Variants in MIA3 observed in about 807,000 individuals in gnomAD.
MIA3 encodes transport and Golgi organization protein 1 homolog.
MIA3 carries 90 observed loss-of-function variants against 192.4 expected under a neutral mutation model. That is an observed-to-expected ratio of 0.47 (90% CI 0.39 to 0.56). The LOEUF is 0.56. MIA3 is among the 20% of genes least tolerant of loss of function. The pLI, the probability that MIA3 is intolerant of heterozygous loss-of-function variation, is 0.00. For synonymous variants in MIA3, 740 were observed against 792.8 expected, an observed-to-expected ratio of 0.93 and a Z score of 1.12; for missense variants, 2,123 against 2,269.4, an observed-to-expected ratio of 0.94 and a Z score of 1.31.
At chr1:222,630,505 C>A in intron 4 of MIA3, 116 bp downstream of exon 4, 1 of 1,041,042 alleles carries the variant, frequency 9.6e-7, no homozygotes, top group Non-Finnish European at 1.4e-6. Flanking sequence ...AGGAGAGGGA[C>A]AACACAGGGA....
At chr1:222,647,561 T>C (rs1224313939) in intron 7 of MIA3, among the ~76,000 whole-genome samples, 1 of 152,202 alleles carries the variant, frequency 6.6e-6, no homozygotes, top group Admixed American at 6.5e-5. Context: ...GGTGCTTTTC[T>C]TCAGATAAAA....
Position 222,630,260 on chromosome 1 carries a change from G to C in MIA3, c.3040G>C (p.Glu1014Gln). ...LGMNENNIFE[E>Q]AAVLDDIQDL... ...AATGAACGAAAATAACATATTTGAA[G>C]AGGCTGCAGTGCTTGATGACATTCA... is the stretch of plus-strand genomic sequence containing the variant. The change falls in exon 4 of 28, where the codon GAG becomes CAG. Residue 1014 changes from glutamate (E) to glutamine (Q), a missense_variant. Coordinates refer to ENST00000344922, the MANE Select transcript of MIA3 (RefSeq NM_198551.4). 1 of 1,614,222 alleles carries C rather than the reference G, an allele frequency of 6.2e-7. No individual in the cohort carries two copies.
Position 222,628,333 on chromosome 1 carries a change from C to T in MIA3, c.1113C>T (p.Gly371=), listed in dbSNP as rs1445355310. 1.2e-6 allele frequency: 2 copies of T among 1,613,444 alleles called. No individual in the cohort carries two copies. Among genetic ancestry groups the T allele is most frequent in the East Asian group, 2.2e-5 (1 of 44,886 alleles). Residue 371 remains glycine (G), a synonymous_variant, in exon 4 of 28, where the codon GGC becomes GGT. Coordinates refer to ENST00000344922, the MANE Select transcript of MIA3 (RefSeq NM_198551.4). ...AGGTTCAGCTAACTGTGCCCCCTGG[C>T]ATCAAAAATGATGATAAAAATATAC... is the stretch of plus-strand genomic sequence containing the variant. ...EDKVQLTVPP[G]IKNDDKNILT...
chr1:222,666,058 A>AC lies in MIA3; in HGVS notation c.*439_*440insC, dbSNP rs1448505931. On this transcript the variant is annotated 3_prime_UTR_variant, in exon 28 of 28. Coordinates refer to ENST00000344922, the MANE Select transcript of MIA3 (RefSeq NM_198551.4). The stretch of plus-strand genomic sequence containing the variant: ...TCTGGTCACAAAGACTGTTACGCTA[A>AC]AAATGTTTACTAAAAGATCACTAAA... 1 of 152,982 alleles carries AC rather than the reference A, an allele frequency of 6.5e-6. No homozygotes were observed. The highest frequency in any genetic ancestry group is 1.5e-5 in the Non-Finnish European group (1 of 68,622). The allele number at this position is 152,982 out of a possible 1,614,324, so 9.5% of individuals were successfully genotyped here.
rs1662310084 is a variant in MIA3 at position 222,629,830 on chromosome 1, G to A, written c.2610G>A (p.Glu870=). Residue 870 remains glutamate (E), a synonymous_variant, in exon 4 of 28, where the codon GAG becomes GAA. Transcript: ENST00000344922. The part of the protein sequence containing the change: ...EHLKTSGLAG[E]PEGELSKEDH... ...TGAAGACCTCAGGGCTTGCAGGGGA[G>A]CCTGAGGGAGAACTCTCAAAAGAGG... 5.6e-6 allele frequency: 9 copies of A among 1,613,840 alleles called. No homozygotes were observed. Among genetic ancestry groups the A allele is most frequent in the East Asian group, 4.5e-5 (2 of 44,878 alleles).
At chr1:222,639,803 TCCC>T (rs1172086145) in intron 6 of MIA3, among the ~76,000 whole-genome samples, 1 of 152,082 alleles carries the variant, frequency 6.6e-6, no homozygotes, top group Non-Finnish European at 1.5e-5. Context: ...TGAATGTTTT[TCCC>T]CCAAGATCCA....
Position 222,644,680 on chromosome 1 carries a change from G to A in MIA3, c.3478-874G>A, listed in dbSNP as rs144659528. On this transcript the variant is annotated intron_variant, in intron 6 of 27. Transcript: ENST00000344922. ...GGGTGCACTGATTGTCTGTGCAAAG[G>A]AGAAATGGAGTGTGTCAGATCCGAG... The A allele has an allele frequency of 1.1e-3, 1,404 of 1,327,758 alleles. 23 individuals carry two copies. The highest frequency in any genetic ancestry group is 2.2e-4 in the Non-Finnish European group (210 of 949,806). 82.2% of individuals were successfully genotyped at this position (1,327,758 alleles called of 1,614,324 possible).
Position 222,648,848 on chromosome 1 carries a change from A to C in MIA3, c.3629A>C (p.Gln1210Pro). 6.9e-7 allele frequency: 1 copy of C among 1,448,640 alleles called. No individual in the cohort carries two copies. Among genetic ancestry groups the C allele is most frequent in the Non-Finnish European group, 9.6e-7 (1 of 1,038,482 alleles). 89.7% of individuals were successfully genotyped at this position (1,448,640 alleles called of 1,614,324 possible). A position where few individuals can be genotyped will look rare whatever the true frequency, so the allele number is the denominator to read the frequency against. The change falls in exon 8 of 28, where the codon CAA becomes CCA. Residue 1210 changes from glutamine to proline, a missense_variant and splice_region_variant. Coordinates refer to ENST00000344922, the MANE Select transcript of MIA3 (RefSeq NM_198551.4). The part of the protein sequence containing the change: ...TVLVVKDRVY[Q>P]VTEQQISEKL... ...TTCTAGGTGAAGGATAGAGTATATC[A>C]AGGTAAATCTTTAGGCTTTTTTGTT...
Position 222,660,299 on chromosome 1 carries a change from C to G in MIA3, c.5098C>G (p.Pro1700Ala), listed in dbSNP as rs1348404832. The change falls in exon 24 of 28, where the codon CCT (proline) becomes GCT (alanine). Residue 1700 changes from proline (P) to alanine (A), a missense_variant. Coordinates refer to ENST00000344922, the MANE Select transcript of MIA3 (RefSeq NM_198551.4). ...LSATLNRRDM[P>A]RSEFGSVDGP... The stretch of plus-strand genomic sequence containing the variant: ...TGCTACTCTCAATCGAAGAGATATG[C>G]CTAGAAGTGAATTTGGTGAGCATTC... The G allele has an allele frequency of 1.2e-6, 2 of 1,610,684 alleles. No individual in the cohort carries two copies. The highest frequency in any genetic ancestry group is 8.5e-7 in the Non-Finnish European group (1 of 1,179,054).
In MIA3 at chr1:222,660,152, G is replaced by T. The variant is rs200185748; in HGVS notation, c.4976-25G>T. ...AAAGAAAAAAAGGCTGTCTTAAAAT[G>T]CTAACAAGATGCTGTCATCTTTAGG... is the stretch of plus-strand genomic sequence containing the variant. On this transcript the variant is annotated intron_variant, in intron 23 of 27. Coordinates refer to ENST00000344922, the MANE Select transcript of MIA3 (RefSeq NM_198551.4). The T allele has an allele frequency of 5.6e-4, 895 of 1,606,276 alleles. 1 individual carries two copies. The highest frequency in any genetic ancestry group is 7.4e-4 in the Admixed American group (43 of 57,910).
At chr1:222,656,145 G>A (rs1193575394) in intron 18 of MIA3, among the ~76,000 whole-genome samples, 1 of 151,156 alleles carries the variant, frequency 6.6e-6, no homozygotes, top group Non-Finnish European at 1.5e-5. Flanking sequence ...AATTTTTTTT[G>A]TATTTTTAGT....
chr1:222,653,634 T>C (rs1663558190), intron 15 of MIA3, among the ~76,000 whole-genome samples: 1 of 152,218 alleles, frequency 6.6e-6, no homozygotes, highest in Non-Finnish European at 1.5e-5. Context: ...AGAAACTTGT[T>C]TTTCAATTTC....
intron 26 of MIA3, among the ~76,000 whole-genome samples, chr1:222,663,514 C>T (rs1296497641): frequency 6.6e-6 from 1 of 152,168 alleles, no homozygotes; most frequent in Admixed American, 6.5e-5. Flanking sequence ...GGTCCTATTA[C>T]AGATTTAGAG....
chr1:222,630,307 G>A lies in MIA3; in HGVS notation c.3087G>A (p.Arg1029=), dbSNP rs767957556. Residue 1029 remains arginine, a synonymous_variant, in exon 4 of 28, where the codon AGG becomes AGA. Coordinates refer to ENST00000344922, the MANE Select transcript of MIA3 (RefSeq NM_198551.4). ...DDIQDLIYFV[R]YKHSTAEETA... ...TTCAAGACCTCATCTATTTTGTCAG[G>A]TACAAGCACTCCACAGCAGAGGAGA... 11 of 1,614,098 alleles carry A rather than the reference G, an allele frequency of 6.8e-6. No individual in the cohort carries two copies. The South Asian group carries it at 1.1e-4, about 16-fold the overall frequency.
chr1:222,654,033 A>G (rs1663576408), intron 15 of MIA3, among the ~76,000 whole-genome samples: 7 of 152,228 alleles, frequency 4.6e-5, no homozygotes. Flanking sequence ...CAATAATGGC[A>G]TGTATAACAT....
Position 222,621,815 on chromosome 1 carries a change from T to TTG in MIA3, c.267+524_267+525insGT, listed in dbSNP as rs1189537145. On this transcript the variant is annotated intron_variant, in intron 2 of 27. Coordinates refer to ENST00000344922, the MANE Select transcript of MIA3 (RefSeq NM_198551.4). Reference sequence around the variant, plus strand: ...CTCGTGTGCTTTCTTGTTTGTTTGTTTTTTTTTTTTTGAGGCGGAGTCTTG... The same window carrying TTG: ...CTCGTGTGCTTTCTTGTTTGTTTGTTTGTTTTTTTTTTTGAGGCGGAGTCTTG... 8.9e-4 allele frequency among the ~76,000 whole-genome samples: 134 copies of TTG among 150,236 alleles called. 1 individual carries two copies. Among genetic ancestry groups the TTG allele is most frequent in the African/African-American group, 2.9e-3 (119 of 41,082 alleles).
chr1:222,628,137 A>C lies in MIA3; in HGVS notation c.917A>C (p.Glu306Ala). 6.2e-7 allele frequency: 1 copy of C among 1,613,956 alleles called. No individual in the cohort carries two copies. The highest frequency in any genetic ancestry group is 8.5e-7 in the Non-Finnish European group (1 of 1,180,004). Residue 306 changes from glutamate (E) to alanine (A), a missense_variant, in exon 4 of 28, where the codon GAA becomes GCA. Physicochemically the swap from Glu to Ala is moderately radical, Grantham distance 107. Around this residue, in one of 3 missense-constraint regions of MIA3, gnomAD observed 1,357 missense variants for 1,396.1 expected, o/e 0.97. Coordinates refer to ENST00000344922, the MANE Select transcript of MIA3 (RefSeq NM_198551.4). ...TCATTAGAAGATGATTTTGATGAGG[A>C]ATTGGATACTGAGTATTATGCAGTT... is the stretch of plus-strand genomic sequence containing the variant. ...VTSLEDDFDE[E>A]LDTEYYAVGK...
intron 18 of MIA3, among the ~76,000 whole-genome samples, chr1:222,656,216 C>T (rs1011158427): frequency 6.6e-6 from 1 of 151,950 alleles, no homozygotes; most frequent in Admixed American, 6.6e-5. Flanking sequence ...TCGTGATCCA[C>T]CCGCCTCGGC....
chr1:222,663,706 G>C (rs183804648), intron 26 of MIA3, among the ~76,000 whole-genome samples: 2 of 152,266 alleles, frequency 1.3e-5, no homozygotes, highest in Admixed American at 6.5e-5. Context: ...TATGAATGGC[G>C]TAACTTCTAT....
Sources: allele counts gnomAD v4.1 joint callset (sites outside exome capture counted in the v4.1 genomes callset), GRCh38; gene constraint gnomAD v4.1.1; regional missense constraint gnomAD v4.1.1; transcripts MANE v1.5; gene names NCBI Gene and HGNC (gene_info 2026-07-23, HGNC 2026-07-21).